The following NEGR1 variants were observed in gnomAD, a reference collection of about 807,000 sequenced individuals.
NEGR1 encodes IgLON family member 4.
A neutral mutation model predicts 40.9 loss-of-function variants in NEGR1; 10 were observed. The ratio of observed to expected loss-of-function variants is 0.24; its 90% confidence interval spans 0.15 to 0.42. The LOEUF (loss-of-function observed/expected upper bound fraction) is 0.42, where lower values mean the gene tolerates loss of function less well. NEGR1 is among the 10% of genes least tolerant of loss of function. The pLI is 1.00. For synonymous variants in NEGR1, 185 were observed against 166.8 expected (o/e 1.11, Z -0.84); for missense variants, 352 against 438.9 (o/e 0.80, Z 1.77).
intron 3 of NEGR1, among the ~76,000 whole-genome samples, chr1:71,770,056 C>T (rs377567814): frequency 1.6e-4 from 25 of 152,132 alleles, no homozygotes; most frequent in East Asian, 5.8e-4. Flanking sequence ...TAGGCCCTAC[C>T]GGCACCATCT....
At chr1:71,437,303 A>C (rs1485957447) in intron 6 of NEGR1, among the ~76,000 whole-genome samples, 1 of 152,108 alleles carries the variant, frequency 6.6e-6, no homozygotes, top group Non-Finnish European at 1.5e-5. Context: ...AAAGGGTAAA[A>C]TGTTTCTTTT....
chr1:72,220,916 T>A (rs1396233556), intron 1 of NEGR1, among the ~76,000 whole-genome samples: 1 of 122,894 alleles, frequency 8.1e-6, no homozygotes, highest in Admixed American at 7.1e-5. Flanking sequence ...TACCTAAAGT[T>A]TTTTTTTTTT....
intron 1 of NEGR1, among the ~76,000 whole-genome samples, chr1:72,126,091 A>ATGTGTGTGTGTGTG (rs67552146): frequency 1.0e-4 from 15 of 146,828 alleles, no homozygotes; most frequent in African/African-American, 3.6e-4. Flanking sequence ...AGAGAAAAGT[A>ATGTGTGTGTGTGTG]TGTGTGTGTG....
chr1:71,955,841 A>T (rs544611719), intron 1 of NEGR1, among the ~76,000 whole-genome samples: 2 of 152,120 alleles, frequency 1.3e-5, no homozygotes, highest in African/African-American at 4.8e-5. Flanking sequence ...TTCACGGACC[A>T]TTCTGTTTCA....
At chr1:71,944,864 A>C (rs1050710617) in intron 1 of NEGR1, among the ~76,000 whole-genome samples, 1 of 152,210 alleles carries the variant, frequency 6.6e-6, no homozygotes, top group Non-Finnish European at 1.5e-5. Context: ...GCAATCAGTT[A>C]CTATAGTAGC....
intron 3 of NEGR1, among the ~76,000 whole-genome samples, chr1:71,710,455 C>T (rs1193174735): frequency 6.6e-6 from 1 of 152,104 alleles, no homozygotes; most frequent in Non-Finnish European, 1.5e-5. Flanking sequence ...TTTACAGTTG[C>T]TAAAACTTGG....
chr1:71,457,895 G>A (rs939418699), intron 6 of NEGR1, among the ~76,000 whole-genome samples: 2 of 151,928 alleles, frequency 1.3e-5, no homozygotes, highest in African/African-American at 4.8e-5. Flanking sequence ...GTAGAGACGG[G>A]GTTTCACTGT....
intron 6 of NEGR1, among the ~76,000 whole-genome samples, chr1:71,458,719 G>T (rs1195275691): frequency 6.6e-6 from 1 of 152,152 alleles, no homozygotes; most frequent in Non-Finnish European, 1.5e-5. Flanking sequence ...TAAGGAATCT[G>T]ACTTCTTCAT....
chr1:72,140,311 C>A (rs1487235811), intron 1 of NEGR1, among the ~76,000 whole-genome samples: 4 of 151,740 alleles, frequency 2.6e-5, no homozygotes, highest in African/African-American at 9.7e-5. Flanking sequence ...AACAGAATAT[C>A]TAAGAACAGG....
rs568813156 is a variant in NEGR1, at chr1:72,092,859, C to T, written c.177-157548G>A. ...TAGAGAATAGGTTTCACCATTGTGC[C>T]CAGGCTGGTCTCAAATTTCTGGGTT... On this transcript the variant is annotated intron_variant, in intron 1 of 6. Transcript: ENST00000357731. 2.2e-4 allele frequency among the ~76,000 whole-genome samples: 33 copies of T among 152,112 alleles called. 1 individual carries two copies. In the South Asian group the frequency reaches 6.9e-3, roughly 32 times the overall value.
chr1:72,235,162 G>C (rs1654506377), intron 1 of NEGR1, among the ~76,000 whole-genome samples: 1 of 152,086 alleles, frequency 6.6e-6, no homozygotes, highest in South Asian at 2.1e-4. Flanking sequence ...AAAATAAATA[G>C]TGGGAGAAAG....
intron 1 of NEGR1, among the ~76,000 whole-genome samples, chr1:71,996,822 A>G (rs1646508623): frequency 6.6e-6 from 1 of 152,064 alleles, no homozygotes; most frequent in Admixed American, 6.5e-5. Context: ...TGACCTTTAC[A>G]TTCTGAGTAA....
chr1:71,830,092 G>A (rs1362909140), intron 2 of NEGR1, among the ~76,000 whole-genome samples: 1 of 151,828 alleles, frequency 6.6e-6, no homozygotes, highest in Admixed American at 6.6e-5. Context: ...GGACTCTGGG[G>A]CCCCTATAGA....
intron 4 of NEGR1, among the ~76,000 whole-genome samples, chr1:71,680,413 C>T (rs1347449580): frequency 3.3e-5 from 5 of 152,014 alleles, no homozygotes; most frequent in Non-Finnish European, 5.9e-5. Context: ...TAAGGACAAC[C>T]TCTTCATATC....
chr1:71,431,836 G>A (rs973681222), intron 6 of NEGR1, among the ~76,000 whole-genome samples: 1 of 152,152 alleles, frequency 6.6e-6, no homozygotes, highest in Admixed American at 6.5e-5. Flanking sequence ...CTTTTGCCTA[G>A]AGATTTAAAT....
At chr1:72,008,667 T>C (rs866284109) in intron 1 of NEGR1, among the ~76,000 whole-genome samples, 1 of 152,142 alleles carries the variant, frequency 6.6e-6, no homozygotes, top group Non-Finnish European at 1.5e-5. Flanking sequence ...AGTTTAGCCT[T>C]GGCCTATGTA....
intron 3 of NEGR1, among the ~76,000 whole-genome samples, chr1:71,718,750 A>C (rs1177366278): frequency 6.6e-6 from 1 of 152,182 alleles, no homozygotes; most frequent in Non-Finnish European, 1.5e-5. Flanking sequence ...TCTAGAAAAA[A>C]ATTACAACAT....
At chr1:71,712,268 C>A (rs980867275) in intron 3 of NEGR1, among the ~76,000 whole-genome samples, 1 of 152,166 alleles carries the variant, frequency 6.6e-6, no homozygotes, top group African/African-American at 2.4e-5. Flanking sequence ...TGAGGATGTG[C>A]ATCACATAGA....
chr1:71,843,062 A>G (rs925590350), intron 2 of NEGR1, among the ~76,000 whole-genome samples: 3 of 152,170 alleles, frequency 2.0e-5, no homozygotes, highest in African/African-American at 4.8e-5. Flanking sequence ...AGGGAAAGTA[A>G]TCATGGCATT....
Sources: allele counts gnomAD v4.1 joint callset (sites outside exome capture counted in the v4.1 genomes callset), GRCh38; gene constraint gnomAD v4.1.1; transcripts MANE v1.5; gene names NCBI Gene and HGNC (gene_info 2026-07-23, HGNC 2026-07-21).